The following ATP6V1C1 variants were observed in gnomAD, a reference collection of about 807,000 sequenced individuals.
The protein encoded by ATP6V1C1 is ATPase H+ transporting V1 subunit C1.
In ATP6V1C1, 45 loss-of-function variants were observed where a neutral mutation model predicts 53.9. That is an observed-to-expected ratio of 0.83 (90% CI 0.66 to 1.07). The LOEUF (loss-of-function observed/expected upper bound fraction) is 1.07. Ranked by LOEUF, ATP6V1C1 falls within the 50% of genes least tolerant of loss-of-function variation. The pLI is 0.00. For missense variants in ATP6V1C1, 315 were observed against 440.3 expected (o/e 0.72, Z 2.55); for synonymous variants, 153 against 155.2 (o/e 0.99, Z 0.11).
chr8:103,072,278 A>G lies in ATP6V1C1; in HGVS notation c.*3531A>G, dbSNP rs1175607193. 1 of 152,250 alleles carries G rather than the reference A, an allele frequency of 6.6e-6. No homozygotes were observed. Among genetic ancestry groups the G allele is most frequent in the African/African-American group, 2.4e-5 (1 of 41,470 alleles). 9.4% of individuals were successfully genotyped at this position (152,250 alleles called of 1,614,324 possible). On this transcript the variant is annotated 3_prime_UTR_variant, in exon 13 of 13. Transcript: ENST00000518738. The stretch of plus-strand genomic sequence containing the variant: ...TTTGCTCTTACTTCAAAATTAGTCC[A>G]AAATGTTGGAAATAAAATATAAGAC...
chr8:103,027,972 G>A (rs926232704), intron 1 of ATP6V1C1, among the ~76,000 whole-genome samples: 1 of 151,898 alleles, frequency 6.6e-6, no homozygotes, highest in African/African-American at 2.4e-5. Context: ...TACAGTTTTG[G>A]GAACTTAAGT....
chr8:103,064,540 A>C, intron 10 of ATP6V1C1, 174 bp from the exon 11 acceptor site: 1 of 517,456 alleles, frequency 1.9e-6, no homozygotes, highest in Non-Finnish European at 3.3e-6. Flanking sequence ...CTTTTAATCT[A>C]ATTTAAGATA....
Position 103,062,972 on chromosome 8 carries a change from A to G in ATP6V1C1, c.659A>G (p.Gln220Arg). 1.2e-6 allele frequency: 2 copies of G among 1,613,840 alleles called. No homozygotes were observed. Among genetic ancestry groups the G allele is most frequent in the South Asian group, 1.1e-5 (1 of 91,082 alleles). ...PRSSNVLSEDQDSYLCNVTLF... is the reference protein window; with the variant it reads ...PRSSNVLSEDRDSYLCNVTLF... ...TTCCATAGTGTTCTTTCAGAGGACC[A>G]AGACAGTTACCTGTGTAATGTCACC... The change falls in exon 9 of 13, where the codon CAA becomes CGA. Residue 220 changes from glutamine (Q) to arginine (R), a missense_variant. Coordinates refer to ENST00000518738, the MANE Select transcript of ATP6V1C1 (RefSeq NM_001695.5).
intron 1 of ATP6V1C1, among the ~76,000 whole-genome samples, chr8:103,040,082 T>G (rs1025540527): frequency 5.3e-5 from 8 of 152,184 alleles, no homozygotes; most frequent in Non-Finnish European, 1.0e-4. Flanking sequence ...AATGCATTGA[T>G]TCAATTAAAT....
intron 1 of ATP6V1C1, among the ~76,000 whole-genome samples, chr8:103,035,069 G>A (rs1342729311): frequency 6.6e-6 from 1 of 152,106 alleles, no homozygotes; most frequent in East Asian, 1.9e-4. Context: ...TTTGACGAGG[G>A]GTAGAAGAAC....
chr8:103,054,710 G>A (rs2131397620), intron 7 of ATP6V1C1, among the ~76,000 whole-genome samples: 1 of 152,178 alleles, frequency 6.6e-6, no homozygotes, highest in East Asian at 1.9e-4. Context: ...GGAAGACCTG[G>A]ACTTTGTGTG....
At chr8:103,040,574 T>C (rs2131388609) in intron 1 of ATP6V1C1, among the ~76,000 whole-genome samples, 1 of 152,326 alleles carries the variant, frequency 6.6e-6, no homozygotes, top group Non-Finnish European at 1.5e-5. Flanking sequence ...CTTCACATAT[T>C]AGGTTTTTAT....
At chr8:103,042,447 A>G in intron 3 of ATP6V1C1, 40 bp downstream of exon 3, 1 of 1,575,472 alleles carries the variant, frequency 6.3e-7, no homozygotes, top group East Asian at 2.2e-5. Flanking sequence ...AAAATGGGAG[A>G]CACTATTATC....
At chr8:103,060,045 G>A (rs1170342849) in intron 8 of ATP6V1C1, among the ~76,000 whole-genome samples, 2 of 148,618 alleles carry the variant, frequency 1.3e-5, no homozygotes, top group African/African-American at 2.5e-5. Context: ...TTGGCTCACC[G>A]CAACCTCTGC....
intron 2 of ATP6V1C1, 30 bp from the exon 3 acceptor site, chr8:103,042,310 C>T: frequency 1.9e-6 from 3 of 1,592,254 alleles, no homozygotes; most frequent in Middle Eastern, 1.7e-4. Flanking sequence ...AAAAGCATGC[C>T]ACCTAAATAA....
chr8:103,045,585 C>T (rs1016106795), intron 3 of ATP6V1C1, among the ~76,000 whole-genome samples: 4 of 152,090 alleles, frequency 2.6e-5, no homozygotes, highest in Admixed American at 2.6e-4. Flanking sequence ...AATTATGATG[C>T]ACTCAAAGCA....
chr8:103,068,612 T>C (rs770807842), intron 12 of ATP6V1C1, 40 bp from the exon 13 acceptor site: 5 of 1,476,758 alleles, frequency 3.4e-6, no homozygotes, highest in African/African-American at 1.4e-5. Flanking sequence ...TTTTGAGTTC[T>C]GTAAATACAA....
At chr8:103,032,669 G>A (rs188136141) in intron 1 of ATP6V1C1, among the ~76,000 whole-genome samples, 1 of 151,896 alleles carries the variant, frequency 6.6e-6, no homozygotes, top group Non-Finnish European at 1.5e-5. Flanking sequence ...GTAGAGACAG[G>A]GTTTCAGCAT....
Position 103,063,180 on chromosome 8 carries a change from A to C in ATP6V1C1, c.780A>C (p.Ala260=). ...DFQYNEEEMK[A]DKEEMNRLST... ...AGTATAATGAAGAGGAGATGAAAGC[A>C]GATAAAGAAGAAATGAACAGGCTTT... The change falls in exon 10 of 13, where the codon GCA becomes GCC. Residue 260 remains alanine, a synonymous_variant. Transcript: ENST00000518738. 1.9e-6 allele frequency: 3 copies of C among 1,612,722 alleles called. No homozygotes were observed. Among genetic ancestry groups the C allele is most frequent in the Non-Finnish European group, 2.5e-6 (3 of 1,179,414 alleles).
rs967348697 is a variant in ATP6V1C1, at chr8:103,071,944, C to T, written c.*3197C>T. On this transcript the variant is annotated 3_prime_UTR_variant, in exon 13 of 13. Coordinates refer to ENST00000518738, the MANE Select transcript of ATP6V1C1 (RefSeq NM_001695.5). ...TGTTGCTATTATATTTGGCAGGAAC[C>T]CAGAGTCCAGAACATTTCATCTATG... 3 of 152,356 alleles carry T rather than the reference C, an allele frequency of 2.0e-5. No individual in the cohort carries two copies. Among genetic ancestry groups the T allele is most frequent in the Admixed American group, 2.0e-4 (3 of 15,304 alleles). The allele number at this position is 152,356 out of a possible 1,614,324, so 9.4% of individuals were successfully genotyped here. A position where few individuals can be genotyped will look rare whatever the true frequency, so the allele number is the denominator to read the frequency against.
chr8:103,047,772 A>G (rs553302532), intron 3 of ATP6V1C1, among the ~76,000 whole-genome samples: 1 of 152,186 alleles, frequency 6.6e-6, no homozygotes, highest in Non-Finnish European at 1.5e-5. Flanking sequence ...TGGCAACGAT[A>G]TGCTTTCTTC....
At chr8:103,047,322 G>A (rs1817114951) in intron 3 of ATP6V1C1, among the ~76,000 whole-genome samples, 2 of 150,524 alleles carry the variant, frequency 1.3e-5, no homozygotes, top group Non-Finnish European at 2.9e-5. Flanking sequence ...CAAGAGGATC[G>A]CTTGAGCCCA....
intron 1 of ATP6V1C1, among the ~76,000 whole-genome samples, chr8:103,023,413 G>A (rs796313591): frequency 2.8e-4 from 42 of 151,950 alleles, no homozygotes; most frequent in African/African-American, 1.0e-3. Flanking sequence ...TCTCTCCACT[G>A]AGGACTTCAG....
Position 103,033,803 on chromosome 8 carries a change from T to C in ATP6V1C1, c.-39-6995T>C, listed in dbSNP as rs149164953. On this transcript the variant is annotated intron_variant, in intron 1 of 12. Coordinates refer to ENST00000518738, the MANE Select transcript of ATP6V1C1 (RefSeq NM_001695.5). ...TTTCTCTAACTACTAAGTGAGTTAA[T>C]ACACGTGAAGTGTTTTGACTTGTGC... is the stretch of plus-strand genomic sequence containing the variant. Among the ~76,000 whole-genome samples, 764 of 152,380 alleles carry C rather than the reference T, an allele frequency of 5.0e-3. 7 individuals carry two copies. Among genetic ancestry groups the C allele is most frequent in the Middle Eastern group, 6.8e-3 (2 of 294 alleles).
Sources: gnomAD v4.1 joint callset for allele counts (sites outside exome capture counted in the v4.1 genomes callset) on GRCh38, gnomAD v4.1.1 for gene constraint, MANE v1.5 for transcripts, NCBI Gene and HGNC (gene_info 2026-07-23, HGNC 2026-07-21) for gene names.